HTRA1: variants seen among roughly 807,000 people sequenced by gnomAD.
The protein encoded by HTRA1 is serine protease HTRA1.
In HTRA1, 26 loss-of-function variants were observed where a neutral mutation model predicts 49.7. The ratio of observed to expected loss-of-function variants is 0.52; its 90% CI spans 0.38 to 0.73. The LOEUF is 0.73. Among genes scored for constraint, HTRA1 ranks in the 30% least tolerant of loss-of-function variants. The pLI is 0.00. For missense variants in HTRA1, 561 were observed against 667.2 expected (o/e 0.84, Z 1.75); for synonymous variants, 291 against 286.9 (o/e 1.01, Z -0.14).
At chr10:122,482,917 C>CAAAAAA (rs59042439) in intron 1 of HTRA1, among the ~76,000 whole-genome samples, 2 of 75,004 alleles carry the variant, frequency 2.7e-5, no homozygotes, top group Non-Finnish European at 2.4e-5. Flanking sequence ...GACTCTGTCT[C>CAAAAAA]AAAAAAAAAA....
intron 8 of HTRA1, among the ~76,000 whole-genome samples, chr10:122,512,880 A>G (rs1028011966): frequency 1.3e-5 from 2 of 152,098 alleles, no homozygotes; most frequent in Admixed American, 6.5e-5. Context: ...GAGTCCCCAG[A>G]GTCCATTGTA....
intron 8 of HTRA1, among the ~76,000 whole-genome samples, chr10:122,513,183 C>T (rs151066805): frequency 6.6e-6 from 1 of 152,244 alleles, no homozygotes; most frequent in East Asian, 1.9e-4. Context: ...CATGAAGGAC[C>T]ATGACAGCGT....
At position 122,462,095 on chromosome 10, in the gene HTRA1, T is replaced by A. The variant is rs1208479961; in HGVS notation, c.443T>A (p.Ile148Asn). ...GAGAGGCTGCACCGGCCGCCGGTCA[T>A]CGTCCTGCAGCGCGGAGCCTGCGGC... The part of the protein sequence containing the change: ...RSERLHRPPV[I>N]VLQRGACGQG... The change falls in exon 1 of 9, where the codon ATC becomes AAC. Residue 148 changes from isoleucine (I) to asparagine (N), a missense_variant. By Grantham distance (149) the Ile-to-Asn change is moderately radical (BLOSUM62 -3). Coordinates refer to ENST00000368984, the MANE Select transcript of HTRA1 (RefSeq NM_002775.5). The A allele has an allele frequency of 1.1e-5, 17 of 1,533,970 alleles. No individual in the cohort carries two copies. Among genetic ancestry groups the A allele is most frequent in the Non-Finnish European group, 1.4e-5 (16 of 1,146,334 alleles).
chr10:122,488,130 C>T (rs370437750), intron 1 of HTRA1, among the ~76,000 whole-genome samples: 26 of 152,222 alleles, frequency 1.7e-4, no homozygotes, highest in African/African-American at 5.8e-4. Context: ...TCGTAATAAT[C>T]TCAGATGTAC....
intron 8 of HTRA1, among the ~76,000 whole-genome samples, chr10:122,513,453 G>A (rs146420224): frequency 1.8e-3 from 267 of 152,078 alleles, no homozygotes; most frequent in African/African-American, 5.8e-3. Context: ...AGCCACACAA[G>A]TGTTAGTAGG....
chr10:122,472,080 G>C (rs2097486348), intron 1 of HTRA1, among the ~76,000 whole-genome samples: 1 of 152,068 alleles, frequency 6.6e-6, no homozygotes, highest in Non-Finnish European at 1.5e-5. Flanking sequence ...TAAATATCAT[G>C]GTGGACACAT....
chr10:122,480,431 G>A (rs1256038640), intron 1 of HTRA1, among the ~76,000 whole-genome samples: 1 of 152,216 alleles, frequency 6.6e-6, no homozygotes, highest in Non-Finnish European at 1.5e-5. Context: ...GGGCAATGAA[G>A]GGGGTTGGCA....
chr10:122,503,675 G>A (rs919329348), intron 3 of HTRA1, among the ~76,000 whole-genome samples: 1 of 152,158 alleles, frequency 6.6e-6, no homozygotes, highest in Non-Finnish European at 1.5e-5. Context: ...AAAATGGGGG[G>A]AAAATATAGC....
In HTRA1 at chr10:122,510,116, A is replaced by T. The variant is rs1365552266; in HGVS notation, c.1141A>T (p.Lys381Ter). 1 of 1,613,882 alleles carries T rather than the reference A, an allele frequency of 6.2e-7. No individual in the cohort carries two copies. Among genetic ancestry groups the T allele is most frequent in the Non-Finnish European group, 8.5e-7 (1 of 1,179,892 alleles). The part of the protein sequence containing the change: ...QAKGKAITKK[K>*]YIGIRMMSLT... ...ACCAGGAAAAGCCATCACCAAGAAG[A>T]AGTATATTGGTATCCGAATGATGTC... Residue 381 changes from lysine to a stop codon, truncating the protein, a stop_gained, in exon 7 of 9, where the codon AAG becomes TAG. Coordinates refer to ENST00000368984, the MANE Select transcript of HTRA1 (RefSeq NM_002775.5). LOFTEE classifies it high-confidence loss of function.
Position 122,479,202 on chromosome 10 carries a change from C to T in HTRA1, c.473-9700C>T, listed in dbSNP as rs1251373241. 7.2e-5 allele frequency among the ~76,000 whole-genome samples: 11 copies of T among 152,316 alleles called. No individual in the cohort carries two copies. In the East Asian group the frequency reaches 1.2e-3, roughly 16 times the overall value. On this transcript the variant is annotated intron_variant, in intron 1 of 8. Transcript: ENST00000368984. Reference sequence around the variant, plus strand: ...TGGAAGGGAAGGTTAGATTGTTAATCCTGCATCCTGGCCCTGATCTCACCG... The same window carrying T: ...TGGAAGGGAAGGTTAGATTGTTAATTCTGCATCCTGGCCCTGATCTCACCG...
rs974024353 is a variant in HTRA1 at position 122,506,323 on chromosome 10, A to G, written c.778-368A>G. 6.6e-6 allele frequency among the ~76,000 whole-genome samples: 1 copy of G among 151,940 alleles called. No homozygotes were observed. The highest frequency in any genetic ancestry group is 6.6e-5 in the Admixed American group (1 of 15,266). On this transcript the variant is annotated intron_variant, in intron 3 of 8. Transcript: ENST00000368984. This position sits in a 1 kb window ranked among gnomAD's most constrained non-coding sequence, Gnocchi z 5.2. ...GCCATCCCCAGCAGTCTCACCCCAA[A>G]CCCTAAATTCATGTTGTCTTCCTCT...
At chr10:122,513,101 A>T (rs557879594) in intron 8 of HTRA1, among the ~76,000 whole-genome samples, 2 of 152,326 alleles carry the variant, frequency 1.3e-5, no homozygotes, top group East Asian at 3.9e-4. Context: ...CAGAGACCAT[A>T]TGTACTGCAA....
Position 122,514,288 on chromosome 10 carries a change from C to T in HTRA1, c.1372C>T (p.Leu458=), listed in dbSNP as rs1439537883. Residue 458 remains leucine (L), a synonymous_variant, in exon 9 of 9, where the codon CTG becomes TTG. Coordinates refer to ENST00000368984, the MANE Select transcript of HTRA1 (RefSeq NM_002775.5). ...CGACGTCATTAAAAGGGAAAGCACC[C>T]TGAACATGGTGGTCCGCAGGGGTAA... ...VSDVIKREST[L]NMVVRRGNED... is the part of the protein sequence containing the mutation. The T allele has an allele frequency of 1.9e-6, 3 of 1,614,010 alleles. No homozygotes were observed. Among genetic ancestry groups the T allele is most frequent in the African/African-American group, 2.7e-5 (2 of 74,910 alleles).
intron 6 of HTRA1, among the ~76,000 whole-genome samples, chr10:122,509,511 C>T (rs541099555): frequency 3.1e-4 from 47 of 152,254 alleles, no homozygotes; most frequent in African/African-American, 1.1e-3. Flanking sequence ...GCCTGAGGGC[C>T]GGAGCACAGT....
chr10:122,477,654 G>A (rs1486069289), intron 1 of HTRA1, among the ~76,000 whole-genome samples: 4 of 152,198 alleles, frequency 2.6e-5, no homozygotes, highest in African/African-American at 7.2e-5. Flanking sequence ...CAGAGAGAGC[G>A]GCAGTGTGTC....
intron 1 of HTRA1, 78 bp from the exon 2 acceptor site, chr10:122,488,824 C>A: frequency 8.6e-7 from 1 of 1,160,124 alleles, no homozygotes; most frequent in Non-Finnish European, 1.3e-6. Flanking sequence ...TGCATCTTGG[C>A]TTCCTCTAAC....
chr10:122,477,732 A>G (rs990169347), intron 1 of HTRA1, among the ~76,000 whole-genome samples: 1 of 152,200 alleles, frequency 6.6e-6, no homozygotes, highest in African/African-American at 2.4e-5. Flanking sequence ...GTGGGGGCCC[A>G]GCAGGCTGTC....
At position 122,475,609 on chromosome 10, in the gene HTRA1, G is replaced by A. The variant is rs1013522398; in HGVS notation, c.473-13293G>A. ...GGCCGTGTCTTTCCTTAGATTTGCA[G>A]ACAGCGGCCCTGATGGTGCATAGGG... On this transcript the variant is annotated intron_variant, in intron 1 of 8. Transcript: ENST00000368984. Among the ~76,000 whole-genome samples the A allele has an allele frequency of 3.9e-5, 6 of 152,362 alleles. No individual in the cohort carries two copies. The East Asian group carries it at 5.8e-4, about 15-fold the overall frequency.
intron 3 of HTRA1, among the ~76,000 whole-genome samples, chr10:122,497,619 A>G (rs1020768082): frequency 6.6e-6 from 1 of 152,200 alleles, no homozygotes; most frequent in African/African-American, 2.4e-5. Flanking sequence ...CCTGAGCTTT[A>G]TAGCCTATAG....
Sources: allele counts gnomAD v4.1 joint callset (sites outside exome capture counted in the v4.1 genomes callset), GRCh38; gene constraint gnomAD v4.1.1; non-coding constraint Gnocchi (gnomAD v3.1); transcripts MANE v1.5; gene names NCBI Gene and HGNC (gene_info 2026-07-23, HGNC 2026-07-21).